PRKAG2: variants seen among roughly 807,000 people sequenced by gnomAD.
The protein encoded by PRKAG2 is 5'-AMP-activated protein kinase subunit gamma-2.
A neutral mutation model predicts 69.6 loss-of-function variants in PRKAG2; 26 were observed. That is an observed-to-expected ratio of 0.37 (90% CI 0.27 to 0.52). The LOEUF (loss-of-function observed/expected upper bound fraction) is 0.52, where lower values mean the gene tolerates loss of function less well. Among genes scored for constraint, PRKAG2 ranks in the 20% least tolerant of loss-of-function variants. The pLI is 0.90. For synonymous variants in PRKAG2, 293 were observed against 285.0 expected, an observed-to-expected ratio of 1.03 and a Z score of -0.28; for missense variants, 557 against 740.0, an observed-to-expected ratio of 0.75 and a Z score of 2.87.
chr7:151,791,145 CCCA>C (rs2077258464), intron 1 of PRKAG2, among the ~76,000 whole-genome samples: 2 of 152,284 alleles, frequency 1.3e-5, no homozygotes, highest in African/African-American at 4.8e-5. Context: ...TGGAAGGCTC[CCCA>C]CCCCCAATCC....
chr7:151,781,483 G>A lies in PRKAG2; in HGVS notation c.187-52C>T. The A allele has an allele frequency of 6.4e-7, 1 of 1,550,678 alleles. No individual in the cohort carries two copies. Among genetic ancestry groups the A allele is most frequent in the South Asian group, 1.2e-5 (1 of 85,210 alleles). On this transcript the variant is annotated intron_variant, in intron 2 of 15. Coordinates refer to ENST00000287878, the MANE Select transcript of PRKAG2 (RefSeq NM_016203.4). This position sits in a 1 kb window ranked among gnomAD's most constrained non-coding sequence, Gnocchi z 6.1. ...AGTCACTCCACGCTCTGGACACGCT[G>A]CCTCCTGCCCTGTATGAAACTTATC...
chr7:151,632,487 G>A lies in PRKAG2; in HGVS notation c.685-349C>T, dbSNP rs1285359315. 1.2e-6 allele frequency: 1 copy of A among 844,870 alleles called. No homozygotes were observed. The highest frequency in any genetic ancestry group is 1.4e-6 in the Non-Finnish European group (1 of 702,398). 52.3% of individuals were successfully genotyped at this position (844,870 alleles called of 1,614,324 possible). ...GCCTGGGCCCGGGGCGCCCCCCTCC[G>A]GCCGTGGCCCGCGTCCTCCCCGCCG... is the stretch of plus-strand genomic sequence containing the variant. On this transcript the variant is annotated intron_variant, in intron 4 of 15. Transcript: ENST00000287878. The surrounding 1 kb of genome is among the most constrained non-coding windows in gnomAD (Gnocchi z 4.2).
At chr7:151,631,501 G>GA (rs982428750) in intron 5 of PRKAG2, 53 of 271,192 alleles carry the variant, frequency 2.0e-4, no homozygotes, top group Middle Eastern at 4.9e-4. Flanking sequence ...ACAGGAGAGG[G>GA]AAAAAAAACA....
chr7:151,701,581 C>A (rs897613522), intron 3 of PRKAG2, among the ~76,000 whole-genome samples: 3 of 152,128 alleles, frequency 2.0e-5, no homozygotes, highest in African/African-American at 7.2e-5. Context: ...TGGTGGCTCA[C>A]ACCTGTAATC....
intron 11 of PRKAG2, chr7:151,566,603 T>A (rs937808973): frequency 2.2e-6 from 1 of 451,646 alleles, no homozygotes; most frequent in African/African-American, 2.0e-5. Context: ...GATTCCATCC[T>A]CCTGGTGTAC....
At chr7:151,621,440 C>T (rs1821455280) in intron 5 of PRKAG2, among the ~76,000 whole-genome samples, 2 of 152,056 alleles carry the variant, frequency 1.3e-5, no homozygotes, top group South Asian at 2.1e-4. Flanking sequence ...CTCAGCACTT[C>T]GGGAGGCTGA....
At chr7:151,754,458 G>C (rs1028622997) in intron 3 of PRKAG2, among the ~76,000 whole-genome samples, 2 of 152,254 alleles carry the variant, frequency 1.3e-5, no homozygotes, top group South Asian at 2.1e-4. Context: ...GGTCCGGAAG[G>C]CTCCAGCTGT....
At chr7:151,770,376 A>G (rs2075964549) in intron 3 of PRKAG2, among the ~76,000 whole-genome samples, 1 of 152,200 alleles carries the variant, frequency 6.6e-6, no homozygotes, top group Non-Finnish European at 1.5e-5. Context: ...CAATTAGCCA[A>G]TTATGCATGT....
chr7:151,560,584 T>C lies in PRKAG2; in HGVS notation c.1618A>G (p.Ser540Gly), dbSNP rs1804709282. 2 of 1,613,848 alleles carry C rather than the reference T, an allele frequency of 1.2e-6. No individual in the cohort carries two copies. Among genetic ancestry groups the C allele is most frequent in the Non-Finnish European group, 1.7e-6 (2 of 1,179,756 alleles). ...HRLVVVNEAD[S>G]IVGIISLSDI... ...GACAGGGAAATAATACCCACAATAC[T>C]ATCTGCTTCATTTACCACCACCAGC... Residue 540 changes from serine (S) to glycine (G), a missense_variant, in exon 15 of 16, where the codon AGT becomes GGT. By Grantham distance (56) the Ser-to-Gly change is moderately conservative (BLOSUM62 0). Transcript: ENST00000287878.
chr7:151,682,512 A>G (rs1295589428), intron 3 of PRKAG2, among the ~76,000 whole-genome samples: 1 of 152,210 alleles, frequency 6.6e-6, no homozygotes, highest in South Asian at 2.1e-4. Context: ...TGCTGGGAAT[A>G]TAGGTGTGAA....
intron 4 of PRKAG2, among the ~76,000 whole-genome samples, chr7:151,665,380 G>A (rs73481949): frequency 0.015 from 2,307 of 152,256 alleles, 26 homozygotes; most frequent in African/African-American, 0.031. Context: ...CAAAGACCCC[G>A]GCCACTGCTC....
intron 4 of PRKAG2, among the ~76,000 whole-genome samples, chr7:151,665,850 T>C (rs2151441207): frequency 6.6e-6 from 1 of 152,286 alleles, no homozygotes; most frequent in African/African-American, 2.4e-5. Context: ...CGATTTGAGA[T>C]ATTTATAGAT....
intron 1 of PRKAG2, among the ~76,000 whole-genome samples, chr7:151,793,271 G>A (rs186497259): frequency 6.9e-4 from 105 of 152,282 alleles, no homozygotes; most frequent in Middle Eastern, 3.4e-3. Context: ...ACGGAGTCTC[G>A]GGGCGTGCAC....
chr7:151,736,074 G>A, intron 3 of PRKAG2: 1 of 1,529,106 alleles, frequency 6.5e-7, no homozygotes, highest in Non-Finnish European at 8.8e-7. Context: ...GTGGCCGGGA[G>A]CCAGAGGAGC....
intron 1 of PRKAG2, among the ~76,000 whole-genome samples, chr7:151,831,832 G>A (rs1454651206): frequency 6.6e-6 from 1 of 152,192 alleles, no homozygotes; most frequent in Non-Finnish European, 1.5e-5. Context: ...CCTGCACCGA[G>A]GCTGGGGCAT....
At chr7:151,820,430 C>G (rs1177330820) in intron 1 of PRKAG2, among the ~76,000 whole-genome samples, 3 of 130,670 alleles carry the variant, frequency 2.3e-5, no homozygotes, top group Non-Finnish European at 3.3e-5. Flanking sequence ...ACACTCTACT[C>G]GGAACACCGC....
At chr7:151,595,959 C>G (rs894912442) in intron 5 of PRKAG2, among the ~76,000 whole-genome samples, 1 of 151,976 alleles carries the variant, frequency 6.6e-6, no homozygotes. Context: ...CACTTGAGCC[C>G]AGGAGTTCGA....
chr7:151,570,351 A>ATTTCT, intron 9 of PRKAG2, 126 bp from the exon 10 acceptor site: 4 of 1,098,404 alleles, frequency 3.6e-6, no homozygotes, highest in Non-Finnish European at 5.1e-6. Flanking sequence ...ATAAAAAGAA[A>ATTTCT]TTTAATTTGC....
At chr7:151,696,593 C>T (rs571921834) in intron 3 of PRKAG2, among the ~76,000 whole-genome samples, 1 of 152,318 alleles carries the variant, frequency 6.6e-6, no homozygotes, top group East Asian at 1.9e-4. Context: ...AGGAAATCAC[C>T]CCCAGTTACG....
Sources: allele counts gnomAD v4.1 joint callset (sites outside exome capture counted in the v4.1 genomes callset), GRCh38; gene constraint gnomAD v4.1.1; non-coding constraint Gnocchi (gnomAD v3.1); transcripts MANE v1.5; gene names NCBI Gene and HGNC (gene_info 2026-07-23, HGNC 2026-07-21).